The following SCN8A variants were observed in gnomAD, a reference collection of about 807,000 sequenced individuals.
The protein encoded by SCN8A is sodium channel protein type 8 subunit alpha.
Under a neutral mutation model 184.1 loss-of-function variants are expected in SCN8A, and 30 were observed. The ratio of observed to expected loss-of-function variants is 0.16; its 90% CI spans 0.12 to 0.22. The LOEUF (loss-of-function observed/expected upper bound fraction) is 0.22. Ranked by LOEUF, SCN8A falls within the 10% of genes least tolerant of loss-of-function variation. The pLI, the probability that SCN8A is intolerant of heterozygous loss-of-function variation, is 1.00. For synonymous variants in SCN8A, 852 were observed against 907.0 expected, an observed-to-expected ratio of 0.94 and a Z score of 1.09; for missense variants, 1,057 against 2,498.9, an observed-to-expected ratio of 0.42 and a Z score of 12.30.
chr12:51,724,848 G>GT (rs1163758434), intron 12 of SCN8A, among the ~76,000 whole-genome samples: 11 of 152,320 alleles, frequency 7.2e-5, no homozygotes, highest in African/African-American at 2.6e-4. Context: ...AGGTTTAGGG[G>GT]TTTTGTTTTT....
chr12:51,773,542 C>T (rs1222077503), intron 19 of SCN8A, among the ~76,000 whole-genome samples: 1 of 152,176 alleles, frequency 6.6e-6, no homozygotes, highest in African/African-American at 2.4e-5. Context: ...AATTGGAACA[C>T]TCATATGCTT....
At chr12:51,763,203 T>C (rs1158688435) in intron 15 of SCN8A, among the ~76,000 whole-genome samples, 2 of 152,216 alleles carry the variant, frequency 1.3e-5, no homozygotes, top group African/African-American at 4.8e-5. Context: ...TTATAATTTT[T>C]CCGCTTTACA....
intron 9 of SCN8A, among the ~76,000 whole-genome samples, chr12:51,704,815 A>G (rs1941753570): frequency 6.6e-6 from 1 of 151,516 alleles, no homozygotes; most frequent in African/African-American, 2.4e-5. Flanking sequence ...TCTACTAAAA[A>G]TACAAAAAAA....
intron 11 of SCN8A, among the ~76,000 whole-genome samples, chr12:51,720,794 G>A (rs936675394): frequency 1.3e-5 from 2 of 151,950 alleles, no homozygotes; most frequent in Non-Finnish European, 2.9e-5. Flanking sequence ...GGCCAGGAGC[G>A]GTGGCTTATG....
At chr12:51,788,859 A>G (rs1414264813) in intron 23 of SCN8A, 111 bp downstream of exon 23, 2 of 808,572 alleles carry the variant, frequency 2.5e-6, no homozygotes, top group Non-Finnish European at 3.8e-6. Context: ...GGAGGAGTTG[A>G]CGTTTCTCTT....
chr12:51,597,960 G>GA (rs1939384559), intron 1 of SCN8A, among the ~76,000 whole-genome samples: 3 of 151,980 alleles, frequency 2.0e-5, no homozygotes, highest in Non-Finnish European at 2.9e-5. Flanking sequence ...TAAATTGCAG[G>GA]AAAAAAATCA....
chr12:51,644,991 A>G (rs373077618), intron 1 of SCN8A, among the ~76,000 whole-genome samples: 52 of 133,742 alleles, frequency 3.9e-4, no homozygotes, highest in Middle Eastern at 4.0e-3. Context: ...AGTGAGGAGC[A>G]TCTCCGCCCG....
At chr12:51,627,900 A>C (rs1203843701) in intron 1 of SCN8A, among the ~76,000 whole-genome samples, 1 of 152,256 alleles carries the variant, frequency 6.6e-6, no homozygotes, top group African/African-American at 2.4e-5. Context: ...TGCAAAGTAC[A>C]TTATAGTTGC....
intron 11 of SCN8A, among the ~76,000 whole-genome samples, chr12:51,717,078 T>G (rs1420158659): frequency 1.3e-5 from 2 of 152,062 alleles, no homozygotes; most frequent in Non-Finnish European, 2.9e-5. Context: ...GGCTAAACTT[T>G]CCCCCTCACT....
chr12:51,712,419 C>G, intron 11 of SCN8A: 2 of 756,952 alleles, frequency 2.6e-6, no homozygotes, highest in Non-Finnish European at 4.8e-6. Context: ...GACAGCTCCT[C>G]GCGCTCTCTC....
chr12:51,785,530 G>C (rs1388178651), intron 21 of SCN8A, among the ~76,000 whole-genome samples: 1 of 152,224 alleles, frequency 6.6e-6, no homozygotes, highest in Non-Finnish European at 1.5e-5. Context: ...GAGTGACAAT[G>C]CAGTCTAAGG....
intron 2 of SCN8A, among the ~76,000 whole-genome samples, chr12:51,667,352 T>G (rs959687349): frequency 6.6e-6 from 1 of 152,152 alleles, no homozygotes; most frequent in African/African-American, 2.4e-5. Context: ...TTAATTTTGT[T>G]TTTTGTTTTT....
intron 1 of SCN8A, among the ~76,000 whole-genome samples, chr12:51,629,777 G>T (rs117260102): frequency 1.3e-5 from 2 of 152,228 alleles, no homozygotes; most frequent in East Asian, 3.9e-4. Context: ...GGGCTAAGAG[G>T]TGGGAAGGAG....
chr12:51,702,289 T>C (rs1010533235), intron 8 of SCN8A, among the ~76,000 whole-genome samples: 1 of 141,608 alleles, frequency 7.1e-6, no homozygotes, highest in Admixed American at 7.3e-5. Flanking sequence ...GCCATGGCAC[T>C]CTAGCCTGGG....
chr12:51,741,956 G>A lies in SCN8A; in HGVS notation c.1999-3947G>A, dbSNP rs149686631. On this transcript the variant is annotated intron_variant, in intron 12 of 26. Transcript: ENST00000627620. ...TGACCTCAGGTGATCCGCCCACCTC[G>A]ACCTCCTAGAGTGCTGGGATTACAG... Among the ~76,000 whole-genome samples, 814 of 152,132 alleles carry A rather than the reference G, an allele frequency of 5.4e-3. 6 individuals are homozygous for A. Among genetic ancestry groups the A allele is most frequent in the African/African-American group, 0.019 (781 of 41,496 alleles).
intron 1 of SCN8A, among the ~76,000 whole-genome samples, chr12:51,659,547 C>T (rs748651855): frequency 3.3e-5 from 5 of 152,250 alleles, no homozygotes; most frequent in Admixed American, 6.5e-5. Flanking sequence ...ATGATGCATA[C>T]GGTTGTAGAA....
At chr12:51,700,106 C>T (rs577123358) in intron 7 of SCN8A, among the ~76,000 whole-genome samples, 1 of 149,634 alleles carries the variant, frequency 6.7e-6, no homozygotes, top group Non-Finnish European at 1.5e-5. Context: ...GCGGAGGTTG[C>T]GGTGAGCCAA....
intron 14 of SCN8A, among the ~76,000 whole-genome samples, chr12:51,758,231 A>G (rs573808132): frequency 1.9e-4 from 29 of 152,336 alleles, no homozygotes; most frequent in Admixed American, 5.2e-4. Context: ...CTGAGATGGG[A>G]GGATCACTTG....
chr12:51,718,209 C>T (rs906247636), intron 11 of SCN8A, among the ~76,000 whole-genome samples: 4 of 152,288 alleles, frequency 2.6e-5, no homozygotes, highest in East Asian at 1.9e-4. Flanking sequence ...AGGCTGAGCG[C>T]AGTGCCTCAC....
Sources: gnomAD v4.1 joint callset for allele counts (sites outside exome capture counted in the v4.1 genomes callset) on GRCh38, gnomAD v4.1.1 for gene constraint, MANE v1.5 for transcripts, NCBI Gene and HGNC (gene_info 2026-07-23, HGNC 2026-07-21) for gene names.